The following ZNF311 variants were observed in gnomAD, a reference collection of about 807,000 sequenced individuals.
ZNF311 encodes zinc finger protein zfp31.
ZNF311 carries 14 observed loss-of-function variants against 22.7 expected under a neutral mutation model. That is an observed-to-expected ratio of 0.62 (90% confidence interval 0.41 to 0.96). ZNF311 has a LOEUF of 0.96. ZNF311 is among the 40% of genes least tolerant of loss of function. The pLI, the probability that ZNF311 is intolerant of heterozygous loss-of-function variation, is 0.00. For synonymous variants in ZNF311, 250 were observed against 275.3 expected, an observed-to-expected ratio of 0.91 and a Z score of 0.91; for missense variants, 731 against 799.0, an observed-to-expected ratio of 0.91 and a Z score of 1.03.
At chr6:29,003,703 T>C in intron 2 of ZNF311, 109 bp from the exon 3 acceptor site, 1 of 1,448,594 alleles carries the variant, frequency 6.9e-7, no homozygotes. Context: ...CTCCCAGAAA[T>C]ACCAAAAGAA....
rs1377144974 is a variant in ZNF311 at position 28,999,981 on chromosome 6, T to C, written c.158A>G (p.Asp53Gly). The C allele has an allele frequency of 2.5e-6, 4 of 1,613,702 alleles. No individual in the cohort carries two copies. The highest frequency in any genetic ancestry group is 4.5e-5 in the East Asian group (2 of 44,874). Residue 53 changes from aspartate to glycine, a missense_variant, in exon 4 of 7, where the codon GAT becomes GGT. Asp to Gly is a moderately conservative substitution (Grantham distance 94). Coordinates refer to ENST00000377179, the MANE Select transcript of ZNF311 (RefSeq NM_001382360.1). ...TTGGGCCTGGCTCATTAGTGTGATA[T>C]CTGCTTGCGGCAGGTTTCCTTGGCT... is the stretch of plus-strand genomic sequence containing the variant. ...DGSQGNLPQADITLMSQAQES... is the reference protein window; with the variant it reads ...DGSQGNLPQAGITLMSQAQES...
intron 3 of ZNF311, among the ~76,000 whole-genome samples, chr6:29,000,425 CAA>C (rs1780285467): frequency 6.6e-6 from 1 of 152,120 alleles, no homozygotes; most frequent in Non-Finnish European, 1.5e-5. Context: ...TCATTTCTTC[CAA>C]AATACTTGGG....
chr6:28,998,029 A>T (rs1779878736), intron 6 of ZNF311, among the ~76,000 whole-genome samples: 1 of 152,100 alleles, frequency 6.6e-6, no homozygotes, highest in South Asian at 2.1e-4. Context: ...CTCTACTCAC[A>T]CTGAACAATT....
At chr6:28,999,924 T>C (rs1413506599) in intron 4 of ZNF311, 32 bp downstream of exon 4, 3 of 1,598,960 alleles carry the variant, frequency 1.9e-6, no homozygotes, top group Admixed American at 1.7e-5. Context: ...AGTGATGTAT[T>C]TTCAAGGAGG....
intron 3 of ZNF311, among the ~76,000 whole-genome samples, chr6:29,001,383 C>A (rs535078781): frequency 6.6e-6 from 1 of 152,318 alleles, no homozygotes; most frequent in African/African-American, 2.4e-5. Context: ...GAAGACTCTT[C>A]TTTAGTTTCA....
chr6:28,996,675 A>T, intron 6 of ZNF311, 89 bp from the exon 7 acceptor site: 1 of 1,422,300 alleles, frequency 7.0e-7, no homozygotes, highest in Non-Finnish European at 9.3e-7. Flanking sequence ...AGAGTAAATA[A>T]CTTTTCCATG....
chr6:28,998,559 A>G (rs1012066917), intron 6 of ZNF311, among the ~76,000 whole-genome samples, 175 bp downstream of exon 6: 1 of 152,192 alleles, frequency 6.6e-6, no homozygotes, highest in African/African-American at 2.4e-5. Flanking sequence ...CAATTAGATA[A>G]TAACAGAATA....
At chr6:29,005,596 G>A (rs1229965582), upstream of ZNF311, among the ~76,000 whole-genome samples, 1 of 152,116 alleles carries the variant, frequency 6.6e-6, no homozygotes, top group African/African-American at 2.4e-5. Context: ...CCCAAGAAAT[G>A]AGAAACAGAA....
chr6:29,004,979 C>G (rs748041992), intron 1 of ZNF311, 29 bp downstream of exon 1: 1 of 152,162 alleles, frequency 6.6e-6, no homozygotes, highest in Non-Finnish European at 1.5e-5. Flanking sequence ...TGCAGCCTAT[C>G]CCCTCCTTCC....
At chr6:29,004,341 A>T (rs1027665717) in intron 1 of ZNF311, 127 bp from the exon 2 acceptor site, 1 of 465,980 alleles carries the variant, frequency 2.1e-6, no homozygotes. Context: ...AACGGCTACC[A>T]CCCTTGTCTG....
chr6:29,000,076 A>G, intron 3 of ZNF311, 29 bp from the exon 4 acceptor site: 2 of 1,589,654 alleles, frequency 1.3e-6, no homozygotes, highest in Non-Finnish European at 1.7e-6. Flanking sequence ...GCCAAGAGTC[A>G]ATATAGCACA....
chr6:29,002,773 A>G (rs1434602343), intron 3 of ZNF311, among the ~76,000 whole-genome samples: 4 of 151,990 alleles, frequency 2.6e-5, no homozygotes, highest in Non-Finnish European at 5.9e-5. Flanking sequence ...GGTGCATTAC[A>G]CCACACCTGG....
chr6:29,003,466 C>T (rs778268697), intron 3 of ZNF311, 47 bp downstream of exon 3: 2 of 1,585,304 alleles, frequency 1.3e-6, no homozygotes, highest in Non-Finnish European at 8.7e-7. Flanking sequence ...GTCCTTACTA[C>T]ATTCTCAGCT....
intron 6 of ZNF311, among the ~76,000 whole-genome samples, chr6:28,996,823 G>A (rs1373341651): frequency 6.6e-6 from 1 of 152,200 alleles, no homozygotes; most frequent in Non-Finnish European, 1.5e-5. Context: ...CTAGTTTAGT[G>A]AGTGTAAACT....
At chr6:28,998,970 G>C in intron 5 of ZNF311, 132 bp from the exon 6 acceptor site, 1 of 578,392 alleles carries the variant, frequency 1.7e-6, no homozygotes, top group Non-Finnish European at 2.9e-6. Flanking sequence ...AGAGAAAAGG[G>C]TTTTTCAGGG....
At chr6:28,998,523 A>T (rs564241402) in intron 6 of ZNF311, among the ~76,000 whole-genome samples, 4 of 152,254 alleles carry the variant, frequency 2.6e-5, no homozygotes, top group African/African-American at 7.2e-5. Flanking sequence ...AAATTGCAAA[A>T]ATCTATTAGA....
In ZNF311 at chr6:28,995,370, A is replaced by G; in HGVS notation, c.1632T>C (p.Asn544=). 1 of 1,613,928 alleles carries G rather than the reference A, an allele frequency of 6.2e-7. No individual in the cohort carries two copies. The highest frequency in any genetic ancestry group is 2.2e-5 in the East Asian group (1 of 44,852). ...TCTCTCCAGTGTGAATTCTTCGATGATTGGTCAAGTTTGACTTCCCACTGA... is the reference window on the plus strand; with the variant it reads ...TCTCTCCAGTGTGAATTCTTCGATGGTTGGTCAAGTTTGACTTCCCACTGA... ...KAFSGKSNLT[N]HRRIHTGEKP... is the part of the protein sequence containing the mutation. The change falls in exon 7 of 7, where the codon AAT becomes AAC. Residue 544 remains asparagine (N), a synonymous_variant. Coordinates refer to ENST00000377179, the MANE Select transcript of ZNF311 (RefSeq NM_001382360.1). The surrounding 1 kb of genome is among the most constrained non-coding windows in gnomAD (Gnocchi z 4.7).
chr6:28,997,542 T>C (rs1327398856), intron 6 of ZNF311, among the ~76,000 whole-genome samples: 2 of 152,232 alleles, frequency 1.3e-5, no homozygotes, highest in African/African-American at 4.8e-5. Context: ...CACTAATTGC[T>C]ATATCCCTCA....
intron 3 of ZNF311, among the ~76,000 whole-genome samples, chr6:29,002,399 G>A (rs3129793): frequency 0.63 from 95,179 of 151,952 alleles, 32,275 homozygotes; most frequent in African/African-American, 0.9. Context: ...ATTCTCATTT[G>A]TGATCCCTTG....
Sources: allele counts gnomAD v4.1 joint callset (sites outside exome capture counted in the v4.1 genomes callset), GRCh38; gene constraint gnomAD v4.1.1; non-coding constraint Gnocchi (gnomAD v3.1); transcripts MANE v1.5; gene names NCBI Gene and HGNC (gene_info 2026-07-23, HGNC 2026-07-21).